KIFAP3: variants seen among roughly 807,000 people sequenced by gnomAD.
The protein encoded by KIFAP3 is kinesin-associated protein 3.
In KIFAP3, 68 loss-of-function variants were observed where a neutral mutation model predicts 106.5. That is an observed-to-expected ratio of 0.64 (90% CI 0.53 to 0.78). The LOEUF is 0.78. KIFAP3 is among the 30% of genes least tolerant of loss of function. KIFAP3 has a pLI of 0.00. For missense variants in KIFAP3, 780 were observed against 941.8 expected (o/e 0.83, Z 2.25); for synonymous variants, 320 against 311.5 (o/e 1.03, Z -0.29).
intron 19 of KIFAP3, among the ~76,000 whole-genome samples, chr1:169,928,345 A>G (rs2474707): frequency 0.94 from 142,195 of 152,064 alleles, 66,574 homozygotes; most frequent in East Asian, 0.99. Flanking sequence ...TGATCCACCC[A>G]TTTTGGCCTC....
At chr1:170,074,762 G>T (rs1671862440), upstream of KIFAP3, 1 of 1,295,556 alleles carries the variant, frequency 7.7e-7, no homozygotes, top group East Asian at 3.2e-5. Context: ...AGTCTGAGGC[G>T]GTGGCCTCAG....
chr1:169,982,974 A>C, intron 13 of KIFAP3, 107 bp from the exon 14 acceptor site: 1 of 692,356 alleles, frequency 1.4e-6, no homozygotes, highest in Non-Finnish European at 2.1e-6. Context: ...TAAATATCAA[A>C]TGTGATTTTC....
intron 10 of KIFAP3, among the ~76,000 whole-genome samples, chr1:170,009,852 C>CG: frequency 6.6e-6 from 1 of 152,036 alleles, no homozygotes; most frequent in African/African-American, 2.4e-5. Flanking sequence ...TTTTGAAGAT[C>CG]TGATTCTTGG....
intron 1 of KIFAP3, among the ~76,000 whole-genome samples, chr1:170,060,212 G>A (rs1571752220): frequency 6.6e-6 from 1 of 152,162 alleles, no homozygotes; most frequent in East Asian, 1.9e-4. Flanking sequence ...AGGAAAAGAG[G>A]AAGTCAAATT....
chr1:169,983,200 G>A, intron 13 of KIFAP3, 70 bp downstream of exon 13: 1 of 859,236 alleles, frequency 1.2e-6, no homozygotes, highest in Non-Finnish European at 1.9e-6. Context: ...ACCTCAGTAA[G>A]AGCTGTATTT....
rs546893538 is a variant in KIFAP3 at position 169,951,604 on chromosome 1, A to C, written c.2273+2407T>G. Among the ~76,000 whole-genome samples the C allele has an allele frequency of 2.0e-5, 3 of 152,050 alleles. No homozygotes were observed. In the East Asian group the frequency reaches 5.8e-4, roughly 29 times the overall value. ...AGTACATAACTTGTGGAATACATTT[A>C]TCTCTCTCAAAACTTTTATTAGTTT... On this transcript the variant is annotated intron_variant, in intron 19 of 19. Coordinates refer to ENST00000361580, the MANE Select transcript of KIFAP3 (RefSeq NM_014970.4).
chr1:170,054,556 A>G (rs749441362), intron 2 of KIFAP3, among the ~76,000 whole-genome samples: 5 of 152,206 alleles, frequency 3.3e-5, no homozygotes, highest in Non-Finnish European at 7.3e-5. Context: ...CTTGGAACCA[A>G]CCCAAATGCC....
At chr1:169,933,371 T>C (rs1322636332) in intron 19 of KIFAP3, among the ~76,000 whole-genome samples, 1 of 152,076 alleles carries the variant, frequency 6.6e-6, no homozygotes, top group Admixed American at 6.6e-5. Context: ...GGAATTAAAG[T>C]AAATCTCTAC....
At chr1:170,026,030 G>A (rs749818224) in intron 8 of KIFAP3, among the ~76,000 whole-genome samples, 1 of 152,122 alleles carries the variant, frequency 6.6e-6, no homozygotes, top group Non-Finnish European at 1.5e-5. Flanking sequence ...AGAGGAGGAG[G>A]TGACATAACA....
intron 1 of KIFAP3, among the ~76,000 whole-genome samples, chr1:170,063,215 C>A (rs1671273727): frequency 1.3e-5 from 2 of 152,192 alleles, no homozygotes; most frequent in Non-Finnish European, 2.9e-5. Flanking sequence ...CTCCAGAGGT[C>A]ACAAGATTTG....
intron 1 of KIFAP3, among the ~76,000 whole-genome samples, chr1:170,061,615 A>G (rs1320389852): frequency 1.3e-5 from 2 of 152,124 alleles, no homozygotes; most frequent in South Asian, 2.1e-4. Context: ...CGATTCCTCA[A>G]GGATCTAGAA....
intron 16 of KIFAP3, among the ~76,000 whole-genome samples, chr1:169,975,140 T>C (rs1197301382): frequency 6.6e-6 from 1 of 152,096 alleles, no homozygotes; most frequent in African/African-American, 2.4e-5. Flanking sequence ...AATCTATGGA[T>C]GGTTAAATCA....
intron 9 of KIFAP3, 94 bp from the exon 10 acceptor site, chr1:170,016,718 A>G (rs992445740): frequency 2.8e-6 from 2 of 705,710 alleles, no homozygotes; most frequent in African/African-American, 1.9e-5. Flanking sequence ...ACCCTAATGT[A>G]TATCTGTTTT....
chr1:169,950,715 A>G (rs1018905044), intron 19 of KIFAP3, among the ~76,000 whole-genome samples: 1 of 152,054 alleles, frequency 6.6e-6, no homozygotes, highest in African/African-American at 2.4e-5. Context: ...GCATTTCTTG[A>G]AAAAGATTCC....
intron 3 of KIFAP3, among the ~76,000 whole-genome samples, chr1:170,039,747 T>G (rs987165577): frequency 6.6e-6 from 1 of 152,070 alleles, no homozygotes; most frequent in Non-Finnish European, 1.5e-5. Flanking sequence ...AAACCTAAGA[T>G]ATAGAATAGT....
At chr1:170,020,977 ATTTT>A (rs940629538) in intron 9 of KIFAP3, among the ~76,000 whole-genome samples, 1 of 152,018 alleles carries the variant, frequency 6.6e-6, no homozygotes, top group African/African-American at 2.4e-5. Context: ...AGTCCACTAA[ATTTT>A]TTTTATATGC....
intron 16 of KIFAP3, among the ~76,000 whole-genome samples, chr1:169,976,575 A>G (rs1666229129): frequency 6.6e-6 from 1 of 152,184 alleles, no homozygotes; most frequent in African/African-American, 2.4e-5. Context: ...AAACCATATT[A>G]AAAATATTTA....
At chr1:169,979,878 C>T (rs957236714) in intron 15 of KIFAP3, among the ~76,000 whole-genome samples, 2 of 152,090 alleles carry the variant, frequency 1.3e-5, no homozygotes, top group South Asian at 2.1e-4. Context: ...CCTAACTCTA[C>T]TATCCATCAG....
chr1:170,046,668 C>A (rs758691051), intron 3 of KIFAP3, 44 bp downstream of exon 3: 2 of 1,395,510 alleles, frequency 1.4e-6, no homozygotes, highest in South Asian at 1.8e-5. Context: ...TATAATCAAA[C>A]AACTTTGGAT....
Sources: gnomAD v4.1 joint callset for allele counts (sites outside exome capture counted in the v4.1 genomes callset) on GRCh38, gnomAD v4.1.1 for gene constraint, MANE v1.5 for transcripts, NCBI Gene and HGNC (gene_info 2026-07-23, HGNC 2026-07-21) for gene names.